The following PCDH15 variants were observed in gnomAD, a reference collection of about 807,000 sequenced individuals.
The protein encoded by PCDH15 is protocadherin related 15, also known as protocadherin-15.
A neutral mutation model predicts 178.5 loss-of-function variants in PCDH15; 129 were observed. The ratio of observed to expected loss-of-function variants is 0.72; its 90% CI spans 0.63 to 0.84. The LOEUF is 0.84. Among genes scored for constraint, PCDH15 ranks in the 40% least tolerant of loss-of-function variants. The pLI is 0.00. For missense variants in PCDH15, 2,230 were observed against 2,099.9 expected, an observed-to-expected ratio of 1.06 and a Z score of -1.21; for synonymous variants, 800 against 732.0, an observed-to-expected ratio of 1.09 and a Z score of -1.50.
chr10:55,280,339 T>C (rs1031298623), intron 1 of PCDH15, among the ~76,000 whole-genome samples: 1 of 143,448 alleles, frequency 7.0e-6, no homozygotes, highest in East Asian at 2.0e-4. Flanking sequence ...GTGCAAGTAG[T>C]GTGATCTCAG....
chr10:55,240,808 TTTC>T (rs936774245), intron 1 of PCDH15, among the ~76,000 whole-genome samples: 8 of 152,208 alleles, frequency 5.3e-5, no homozygotes, highest in Non-Finnish European at 2.9e-5. Context: ...TAATCTAGTG[TTTC>T]TTATTACCAA....
At chr10:54,796,640 C>G (rs1289146829) in intron 1 of PCDH15, among the ~76,000 whole-genome samples, 2 of 151,620 alleles carry the variant, frequency 1.3e-5, no homozygotes, top group Non-Finnish European at 1.5e-5. Context: ...TGTTCCCTTT[C>G]TCTTTTTCTT....
chr10:54,842,977 G>A lies in PCDH15; in HGVS notation c.-29+54473C>T, dbSNP rs147386587. Among the ~76,000 whole-genome samples the A allele has an allele frequency of 3.2e-4, 48 of 151,894 alleles. No individual in the cohort carries two copies. The East Asian group carries it at 8.1e-3, about 26-fold the overall frequency. ...GTTAATGTAATGAAAACTGACTATC[G>A]GAAAGAACAAAGATATCAGAGCTGA... is the stretch of plus-strand genomic sequence containing the variant. On this transcript the variant is annotated intron_variant, in intron 3 of 5. Coordinates refer to the PCDH15 transcript ENST00000458638.
intron 3 of PCDH15, among the ~76,000 whole-genome samples, chr10:54,527,058 A>G (rs1296637183): frequency 1.3e-5 from 2 of 152,178 alleles, no homozygotes; most frequent in Non-Finnish European, 2.9e-5. Flanking sequence ...AGACAAAATG[A>G]GCCACAGACC....
At chr10:54,941,437 T>C (rs1298243272) in intron 2 of PCDH15, among the ~76,000 whole-genome samples, 3 of 152,096 alleles carry the variant, frequency 2.0e-5, no homozygotes, top group Non-Finnish European at 4.4e-5. Flanking sequence ...TTTGGTTTCT[T>C]ACAATAATTT....
At chr10:54,685,138 C>A (rs1304122670) in intron 1 of PCDH15, among the ~76,000 whole-genome samples, 1 of 152,020 alleles carries the variant, frequency 6.6e-6, no homozygotes, top group Non-Finnish European at 1.5e-5. Context: ...CCCTGTCTTC[C>A]TCCTCCATAT....
At chr10:55,235,417 T>G (rs1425896193) in intron 1 of PCDH15, among the ~76,000 whole-genome samples, 2 of 152,098 alleles carry the variant, frequency 1.3e-5, no homozygotes, top group Non-Finnish European at 2.9e-5. Context: ...AACCACTGAT[T>G]TACACCTTAA....
At position 54,228,565 on chromosome 10, in the gene PCDH15, G is replaced by A. The variant is rs1400547770; in HGVS notation, c.985+8258C>T. 2.0e-5 allele frequency among the ~76,000 whole-genome samples: 3 copies of A among 152,276 alleles called. No homozygotes were observed. In the East Asian group the frequency reaches 5.8e-4, roughly 29 times the overall value. On this transcript the variant is annotated intron_variant, in intron 9 of 37. Coordinates refer to ENST00000644397, the MANE Select transcript of PCDH15 (RefSeq NM_001384140.1). Reference sequence around the variant, plus strand: ...AATTAGAGAACCAGAAAAACTGGTGGTGCATTTTTTATCAGGTCCAGAGGC... The same window carrying A: ...AATTAGAGAACCAGAAAAACTGGTGATGCATTTTTTATCAGGTCCAGAGGC...
chr10:55,165,769 TAC>T (rs1241203672), intron 2 of PCDH15, among the ~76,000 whole-genome samples: 1 of 151,962 alleles, frequency 6.6e-6, no homozygotes, highest in African/African-American at 2.4e-5. Flanking sequence ...AATTGCAAAT[TAC>T]AGTTATATAT....
chr10:53,816,129 A>T (rs886930724), intron 35 of PCDH15, 110 bp downstream of exon 35: 1 of 396,386 alleles, frequency 2.5e-6, no homozygotes, highest in Non-Finnish European at 4.4e-6. Context: ...TTTTCCTTTA[A>T]AATTATGCCA....
Position 53,854,407 on chromosome 10 carries a change from A to G in PCDH15, c.3806+2768T>C, listed in dbSNP as rs191229930. Among the ~76,000 whole-genome samples, 1,090 of 152,158 alleles carry G rather than the reference A, an allele frequency of 7.2e-3. 10 individuals are homozygous for G. The highest frequency in any genetic ancestry group is 0.025 in the African/African-American group (1,030 of 41,554). ...AAATGTTTAAGATGGTAATGTTTAT[A>G]CTATGTTTTTTAATCACAACAAAAG... On this transcript the variant is annotated intron_variant, in intron 28 of 37. Coordinates refer to ENST00000644397, the MANE Select transcript of PCDH15 (RefSeq NM_001384140.1).
Position 55,503,745 on chromosome 10 carries a change from TACC to T in PCDH15, c.-156+123877_-156+123879del, listed in dbSNP as rs768531464. 4.0e-5 allele frequency among the ~76,000 whole-genome samples: 6 copies of T among 151,358 alleles called. No homozygotes were observed. The South Asian group carries it at 8.3e-4, about 21-fold the overall frequency. On this transcript the variant is annotated intron_variant, in intron 2 of 5. Coordinates refer to the PCDH15 transcript ENST00000613346. Reference sequence around the variant, plus strand: ...GAAACCACCACACACTTATGAAAATTACCACAATCCAGAACACTGAAAACACCA... The same window carrying T: ...GAAACCACCACACACTTATGAAAATTACAATCCAGAACACTGAAAACACCA...
At chr10:54,655,086 C>G (rs1355947334) in intron 2 of PCDH15, 1 of 152,418 alleles carries the variant, frequency 6.6e-6, no homozygotes, top group Non-Finnish European at 1.5e-5. Flanking sequence ...TGGCGGGAGC[C>G]TGTGGTCCTA....
chr10:54,085,181 T>C (rs558192223), intron 16 of PCDH15, among the ~76,000 whole-genome samples: 1 of 152,142 alleles, frequency 6.6e-6, no homozygotes, highest in East Asian at 1.9e-4. Context: ...TAATTTTCAA[T>C]ATAATCATAA....
At position 55,456,338 on chromosome 10, in the gene PCDH15, G is replaced by C. The variant is rs1327370038; in HGVS notation, c.-156+171287C>G. Among the ~76,000 whole-genome samples, 3 of 152,014 alleles carry C rather than the reference G, an allele frequency of 2.0e-5. No homozygotes were observed. In the East Asian group the frequency reaches 5.8e-4, roughly 29 times the overall value. ...GGCGAGCAAGAAAAGTTATCTCTTT[G>C]CTTTTTGTCTGTACATGTGGTTTGA... is the stretch of plus-strand genomic sequence containing the variant. On this transcript the variant is annotated intron_variant, in intron 2 of 5. Transcript: ENST00000613346.
chr10:54,250,340 T>C (rs1027668026), intron 8 of PCDH15, among the ~76,000 whole-genome samples: 7 of 142,112 alleles, frequency 4.9e-5, no homozygotes, highest in African/African-American at 1.9e-4. Context: ...TAGAGGGCAG[T>C]GGCGCAATCT....
At chr10:53,950,053 T>G (rs2086892206) in intron 23 of PCDH15, among the ~76,000 whole-genome samples, 1 of 152,112 alleles carries the variant, frequency 6.6e-6, no homozygotes, top group Non-Finnish European at 1.5e-5. Flanking sequence ...TTCGTATGAA[T>G]CAACCAACTA....
intron 2 of PCDH15, chr10:55,600,047 A>C: frequency 4.7e-6 from 5 of 1,059,292 alleles, no homozygotes; most frequent in Non-Finnish European, 6.4e-6. Flanking sequence ...ACAGGCCCCA[A>C]TGTATCATCC....
At chr10:55,535,369 C>A (rs1008133763) in intron 2 of PCDH15, among the ~76,000 whole-genome samples, 2 of 151,902 alleles carry the variant, frequency 1.3e-5, no homozygotes, top group African/African-American at 2.4e-5. Flanking sequence ...AGATGGAGAA[C>A]AGAATAAGCC....
Sources: allele counts gnomAD v4.1 joint callset (sites outside exome capture counted in the v4.1 genomes callset), GRCh38; gene constraint gnomAD v4.1.1; transcripts MANE v1.5; gene names NCBI Gene and HGNC (gene_info 2026-07-23, HGNC 2026-07-21).